Variants in EXTL3 observed in about 807,000 individuals in gnomAD.
EXTL3 encodes exostosin-like 3.
Under a neutral mutation model 69.3 loss-of-function variants are expected in EXTL3, and 27 were observed. That is an observed-to-expected ratio of 0.39 (90% CI 0.29 to 0.54). EXTL3 has a LOEUF of 0.54. Among genes scored for constraint, EXTL3 ranks in the 20% least tolerant of loss-of-function variants. The pLI, the probability that EXTL3 is intolerant of heterozygous loss-of-function variation, is 0.69. For missense variants in EXTL3, 1,003 were observed against 1,231.8 expected (o/e 0.81, Z 2.78); for synonymous variants, 511 against 499.4 (o/e 1.02, Z -0.31).
Position 28,716,089 on chromosome 8 carries a change from G to A in EXTL3, c.30G>A (p.Gly10=), listed in dbSNP as rs773031452. MTGYTMLRN[G]GAGNGGQTCM... is the part of the protein sequence containing the mutation. ...CAGGCTATACCATGCTGCGGAATGG[G>A]GGCGCGGGGAACGGAGGTCAGACCT... is the stretch of plus-strand genomic sequence containing the variant. The change falls in exon 3 of 7, where the codon GGG becomes GGA. Residue 10 remains glycine (G), a synonymous_variant. Coordinates refer to ENST00000220562, the MANE Select transcript of EXTL3 (RefSeq NM_001440.4). The surrounding 1 kb of genome is among the most constrained non-coding windows in gnomAD (Gnocchi z 7.1). 3.1e-6 allele frequency: 5 copies of A among 1,610,844 alleles called. No individual in the cohort carries two copies. Among genetic ancestry groups the A allele is most frequent in the South Asian group, 2.2e-5 (2 of 91,080 alleles).
At chr8:28,683,908 C>T (rs555448239) in intron 1 of EXTL3, among the ~76,000 whole-genome samples, 2 of 151,972 alleles carry the variant, frequency 1.3e-5, no homozygotes, top group Non-Finnish European at 2.9e-5. Context: ...GCCCATTAAC[C>T]ATCCCCCCTT....
intron 1 of EXTL3, among the ~76,000 whole-genome samples, chr8:28,670,058 A>C (rs1454627349): frequency 6.6e-6 from 1 of 151,906 alleles, no homozygotes; most frequent in African/African-American, 2.4e-5. Flanking sequence ...AAAATACAAA[A>C]ACTAGCTGGG....
At chr8:28,621,328 C>T (rs1229593783), upstream of EXTL3, among the ~76,000 whole-genome samples, 2 of 152,110 alleles carry the variant, frequency 1.3e-5, no homozygotes, top group Non-Finnish European at 2.9e-5. Flanking sequence ...AGGAAAAATG[C>T]CACGTGTACA....
upstream of EXTL3, among the ~76,000 whole-genome samples, chr8:28,619,825 C>T (rs1252420620): frequency 2.2e-5 from 3 of 136,538 alleles, no homozygotes; most frequent in Admixed American, 8.0e-5. Flanking sequence ...ATCCGTACAC[C>T]GCCGACAGGG....
At chr8:28,746,928 C>T (rs1801900652) in intron 6 of EXTL3, among the ~76,000 whole-genome samples, 1 of 152,174 alleles carries the variant, frequency 6.6e-6, no homozygotes, top group African/African-American at 2.4e-5. Flanking sequence ...CCCGCCTTGG[C>T]CTCCCAAAGT....
chr8:28,680,496 A>G (rs1179512714), intron 1 of EXTL3, among the ~76,000 whole-genome samples: 1 of 152,174 alleles, frequency 6.6e-6, no homozygotes, highest in Non-Finnish European at 1.5e-5. Context: ...AGGGTATGAC[A>G]TGATGTTTTA....
intron 1 of EXTL3, chr8:28,710,532 G>A (rs1322937761): frequency 2.2e-6 from 1 of 455,980 alleles, no homozygotes; most frequent in African/African-American, 2.0e-5. Flanking sequence ...TATGCTTCTG[G>A]ATAGGATTAC....
chr8:28,750,533 G>C lies in EXTL3; in HGVS notation c.2551-124G>C. ...CTCTGGTTCCTGCCATGCTCTGCAG[G>C]GATGTTGCCCCTGAGGGGATCAGCG... On this transcript the variant is annotated intron_variant, in intron 6 of 6. Transcript: ENST00000220562. The surrounding 1 kb of genome is among the most constrained non-coding windows in gnomAD (Gnocchi z 5.2). 1.3e-6 allele frequency: 1 copy of C among 795,670 alleles called. No homozygotes were observed. Among genetic ancestry groups the C allele is most frequent in the Non-Finnish European group, 2.1e-6 (1 of 465,384 alleles). The allele number at this position is 795,670 out of a possible 1,614,324, so 49.3% of individuals were successfully genotyped here.
At chr8:28,653,579 A>C (rs1315639799) in intron 1 of EXTL3, among the ~76,000 whole-genome samples, 1 of 152,104 alleles carries the variant, frequency 6.6e-6, no homozygotes, top group Admixed American at 6.5e-5. Context: ...TTCATTTCGC[A>C]TGTGGATATC....
intron 5 of EXTL3, chr8:28,742,017 A>G (rs1316559712): frequency 6.6e-6 from 1 of 152,162 alleles, no homozygotes; most frequent in East Asian, 1.9e-4. Flanking sequence ...GTCTTGTAGT[A>G]TTTGCTGATT....
chr8:28,714,213 C>T (rs1801094024), intron 2 of EXTL3, among the ~76,000 whole-genome samples: 1 of 151,920 alleles, frequency 6.6e-6, no homozygotes, highest in South Asian at 2.1e-4. Flanking sequence ...GCCTAATATC[C>T]CCTTGTCTTT....
In EXTL3 at chr8:28,715,598, C is replaced by G. The variant is rs1042604383; in HGVS notation, c.-462C>G. ...TTTCTTTTGCAGGCCTGATTGTTGG[C>G]AAAGGCATCATAAGAAGCTGGCATT... On this transcript the variant is annotated 5_prime_UTR_variant, in exon 3 of 7. Coordinates refer to ENST00000220562, the MANE Select transcript of EXTL3 (RefSeq NM_001440.4). 1 of 158,794 alleles carries G rather than the reference C, an allele frequency of 6.3e-6. No individual in the cohort carries two copies. Among genetic ancestry groups the G allele is most frequent in the Non-Finnish European group, 1.4e-5 (1 of 72,066 alleles). The allele number at this position is 158,794 out of a possible 1,614,324, so 9.8% of individuals were successfully genotyped here. A position where few individuals can be genotyped will look rare whatever the true frequency, so the allele number is the denominator to read the frequency against.
At chr8:28,685,054 C>T (rs536326280) in intron 1 of EXTL3, among the ~76,000 whole-genome samples, 65 of 124,802 alleles carry the variant, frequency 5.2e-4, no homozygotes, top group African/African-American at 1.8e-3. Flanking sequence ...TGGGTTCAAG[C>T]GATTCTCCTG....
upstream of EXTL3, chr8:28,700,568 C>T (rs182459502): frequency 6.6e-6 from 1 of 152,162 alleles, no homozygotes; most frequent in Non-Finnish European, 1.5e-5. Context: ...AGCGCAGGGC[C>T]AGGAGCCAGC....
In EXTL3 at chr8:28,744,504, T is replaced by C. The variant is rs573645492; in HGVS notation, c.2550+1290T>C. ...GAAACCCCGACTCTACTAAAAAATA[T>C]ACAAATTAGGCTGGGCGCAGTGGCT... is the stretch of plus-strand genomic sequence containing the variant. On this transcript the variant is annotated intron_variant, in intron 6 of 6. Coordinates refer to ENST00000220562, the MANE Select transcript of EXTL3 (RefSeq NM_001440.4). Among the ~76,000 whole-genome samples, 4 of 151,936 alleles carry C rather than the reference T, an allele frequency of 2.6e-5. 1 individual carries two copies. The highest frequency in any genetic ancestry group is 9.6e-5 in the African/African-American group (4 of 41,468).
At position 28,672,435 on chromosome 8, in the gene EXTL3, G is replaced by A. The variant is rs1332670609; in HGVS notation, c.-52-41022G>A. Among the ~76,000 whole-genome samples, 14 of 135,334 alleles carry A rather than the reference G, an allele frequency of 1.0e-4. No individual in the cohort carries two copies. The East Asian group carries it at 3.4e-3, about 33-fold the overall frequency. 88.8% of individuals were successfully genotyped at this position (135,334 alleles called of 152,430 possible). ...TCCTTCTCGGGGTGGGGGGGCGGGG[G>A]GAGAAAGAAAAAAAATAATATGGTT... On this transcript the variant is annotated intron_variant, in intron 1 of 6. Coordinates refer to the EXTL3 transcript ENST00000523149.
intron 1 of EXTL3, among the ~76,000 whole-genome samples, chr8:28,703,107 G>T (rs1458767090): frequency 6.6e-6 from 1 of 152,184 alleles, no homozygotes; most frequent in Non-Finnish European, 1.5e-5. Context: ...CCATTCGTTT[G>T]CTTGTGGGGA....
chr8:28,701,413 G>A (rs1056808737), upstream of EXTL3: 2 of 151,906 alleles, frequency 1.3e-5, no homozygotes, highest in South Asian at 4.1e-4. Context: ...GACGCGGTCG[G>A]GAAAGTGGCG....
chr8:28,664,446 G>A (rs537376439), intron 1 of EXTL3, among the ~76,000 whole-genome samples: 113 of 152,248 alleles, frequency 7.4e-4, no homozygotes, highest in African/African-American at 2.6e-3. Context: ...GAAGTGACGT[G>A]ATCATGGCTC....
Sources: allele counts gnomAD v4.1 joint callset (sites outside exome capture counted in the v4.1 genomes callset), GRCh38; gene constraint gnomAD v4.1.1; non-coding constraint Gnocchi (gnomAD v3.1); transcripts MANE v1.5; gene names NCBI Gene and HGNC (gene_info 2026-07-23, HGNC 2026-07-21).